Variants in MORC1 observed in about 807,000 individuals in gnomAD.
MORC1 encodes MORC family CW-type zinc finger protein 1.
In MORC1, 59 loss-of-function variants were observed where a neutral mutation model predicts 134.9. The ratio of observed to expected loss-of-function variants is 0.44; its 90% CI spans 0.35 to 0.54. The LOEUF is 0.54. Ranked by LOEUF, MORC1 falls within the 20% of genes least tolerant of loss-of-function variation. MORC1 has a pLI of 0.00. For missense variants in MORC1, 947 were observed against 1,134.5 expected (o/e 0.83, Z 2.37); for synonymous variants, 395 against 391.7 (o/e 1.01, Z -0.10).
chr3:109,009,398 G>T (rs989356748), intron 17 of MORC1, among the ~76,000 whole-genome samples: 2 of 151,966 alleles, frequency 1.3e-5, no homozygotes, highest in African/African-American at 4.8e-5. Flanking sequence ...TAGAGACAGG[G>T]TTTCACCATG....
At chr3:109,082,199 T>TTATA (rs1950535365) in intron 8 of MORC1, among the ~76,000 whole-genome samples, 1 of 151,310 alleles carries the variant, frequency 6.6e-6, no homozygotes, top group African/African-American at 2.4e-5. Flanking sequence ...CCAACCTGGG[T>TTATA]TATAGCACCA....
At chr3:108,966,417 A>T (rs1947221775) in intron 26 of MORC1, among the ~76,000 whole-genome samples, 1 of 152,156 alleles carries the variant, frequency 6.6e-6, no homozygotes, top group Non-Finnish European at 1.5e-5. Flanking sequence ...TTAAGTGTTT[A>T]TGTTGGCAGT....
chr3:108,979,100 T>TTAA (rs773280074), intron 24 of MORC1, among the ~76,000 whole-genome samples: 3 of 152,300 alleles, frequency 2.0e-5, no homozygotes, highest in Non-Finnish European at 4.4e-5. Flanking sequence ...TCCACAAATG[T>TTAA]TAACATTCTA....
chr3:109,056,770 A>T (rs1339327353), intron 13 of MORC1, among the ~76,000 whole-genome samples: 1 of 152,110 alleles, frequency 6.6e-6, no homozygotes, highest in Non-Finnish European at 1.5e-5. Context: ...GACCCATTCT[A>T]TTGGTCATGA....
chr3:108,963,498 T>C lies in MORC1; in HGVS notation c.2715A>G (p.Gln905=), dbSNP rs772098754. Residue 905 remains glutamine (Q), a synonymous_variant, in exon 27 of 28, where the codon CAA becomes CAG. Transcript: ENST00000232603. The part of the protein sequence containing the change: ...RGIHNEISLG[Q]CENKRKISED... ...CAGAGATTTTTCTTTTATTTTCACA[T>C]TGCCCCAGAGAGATTTCATTATGTA... The C allele has an allele frequency of 1.9e-6, 3 of 1,612,318 alleles. No homozygotes were observed. The African/African-American group carries it at 4.0e-5, about 22-fold the overall frequency.
chr3:109,005,384 T>G, intron 18 of MORC1, 69 bp from the exon 19 acceptor site: 1 of 1,379,510 alleles, frequency 7.2e-7, no homozygotes, highest in Non-Finnish European at 9.8e-7. Flanking sequence ...ACCACTTCTC[T>G]CATAACCTCA....
At chr3:109,018,805 A>C (rs1172411681) in intron 17 of MORC1, 1 of 152,214 alleles carries the variant, frequency 6.6e-6, no homozygotes, top group Non-Finnish European at 1.5e-5. Context: ...CTTGTGATAG[A>C]AGATTGGCAA....
chr3:109,054,906 A>C, intron 13 of MORC1, 24 bp from the exon 14 acceptor site: 1 of 1,568,856 alleles, frequency 6.4e-7, no homozygotes. Flanking sequence ...TGCATATTTA[A>C]ATTTTGAAAA....
At chr3:108,966,903 G>A (rs994762368) in intron 26 of MORC1, among the ~76,000 whole-genome samples, 1 of 152,152 alleles carries the variant, frequency 6.6e-6, no homozygotes, top group Non-Finnish European at 1.5e-5. Flanking sequence ...ATAATGGTTT[G>A]AGTCAGGTGA....
At chr3:109,052,948 G>A (rs1949863542) in intron 14 of MORC1, among the ~76,000 whole-genome samples, 1 of 151,888 alleles carries the variant, frequency 6.6e-6, no homozygotes, top group South Asian at 2.1e-4. Context: ...ATTAAAAAGT[G>A]AGCAAAGAAC....
At chr3:108,969,267 GA>G (rs924793764) in intron 26 of MORC1, among the ~76,000 whole-genome samples, 4 of 152,006 alleles carry the variant, frequency 2.6e-5, no homozygotes, top group Non-Finnish European at 5.9e-5. Context: ...TTTTAGAATG[GA>G]AAAATCACTA....
chr3:108,971,488 G>T (rs1947378413), intron 24 of MORC1, 86 bp from the exon 25 acceptor site: 4 of 1,109,590 alleles, frequency 3.6e-6, no homozygotes, highest in Non-Finnish European at 5.3e-6. Flanking sequence ...TGTCTCCTGG[G>T]TATTAAATAT....
intron 18 of MORC1, 134 bp from the exon 19 acceptor site, chr3:109,005,449 A>C (rs1390404313): frequency 1.0e-5 from 8 of 803,348 alleles, no homozygotes; most frequent in Non-Finnish European, 1.4e-5. Context: ...GAAGCTTAGA[A>C]ACAACTTTAA....
At chr3:109,040,579 C>T (rs1351418332) in intron 14 of MORC1, among the ~76,000 whole-genome samples, 5 of 151,534 alleles carry the variant, frequency 3.3e-5, no homozygotes, top group Non-Finnish European at 5.9e-5. Flanking sequence ...CCTGTAATCC[C>T]AGCACTGTGG....
intron 8 of MORC1, among the ~76,000 whole-genome samples, chr3:109,090,463 C>T (rs1392171864): frequency 1.3e-5 from 2 of 151,652 alleles, no homozygotes; most frequent in Non-Finnish European, 2.9e-5. Flanking sequence ...ACTAAAAATA[C>T]AAAACAATTA....
At position 109,104,570 on chromosome 3, in the gene MORC1, A is replaced by G. The variant is rs116030502; in HGVS notation, c.155-653T>C. On this transcript the variant is annotated intron_variant, in intron 3 of 27. Transcript: ENST00000232603. ...GCTGGGTGTGGTGACTTATGCCTAT[A>G]ATCGCAGAACTTTGGGAGGCTAAGG... Among the ~76,000 whole-genome samples, 665 of 152,280 alleles carry G rather than the reference A, an allele frequency of 4.4e-3. 15 individuals are homozygous for G. Among genetic ancestry groups the G allele is most frequent in the African/African-American group, 0.015 (635 of 41,568 alleles).
intron 17 of MORC1, 59 bp from the exon 18 acceptor site, chr3:109,007,150 T>C (rs1171644025): frequency 3.0e-6 from 4 of 1,311,944 alleles, no homozygotes; most frequent in South Asian, 1.3e-5. Flanking sequence ...TCAACTGGCA[T>C]AGGGTAATAA....
chr3:109,114,865 C>G (rs1951237268), intron 1 of MORC1, among the ~76,000 whole-genome samples: 1 of 152,232 alleles, frequency 6.6e-6, no homozygotes, highest in Non-Finnish European at 1.5e-5. Flanking sequence ...CATGTGCAGG[C>G]AAAGGAACTG....
chr3:109,090,620 CAAAAA>C (rs34093019), intron 8 of MORC1, among the ~76,000 whole-genome samples: 1 of 54,690 alleles, frequency 1.8e-5, no homozygotes, highest in Non-Finnish European at 3.8e-5. Flanking sequence ...AACTCCGTCT[CAAAAA>C]AAAAAAAAAA....
Sources: allele counts gnomAD v4.1 joint callset (sites outside exome capture counted in the v4.1 genomes callset), GRCh38; gene constraint gnomAD v4.1.1; transcripts MANE v1.5; gene names NCBI Gene and HGNC (gene_info 2026-07-23, HGNC 2026-07-21).